The following WFIKKN2 variants were observed in gnomAD, a reference collection of about 807,000 sequenced individuals.
WFIKKN2 encodes WAP, follistatin/kazal, immunoglobulin, kunitz and netrin domain containing 2.
A neutral mutation model predicts 39.2 loss-of-function variants in WFIKKN2; 25 were observed. The ratio of observed to expected loss-of-function variants is 0.64; its 90% CI spans 0.47 to 0.89. The LOEUF (loss-of-function observed/expected upper bound fraction) is 0.89, where lower values mean the gene tolerates loss of function less well. Ranked by LOEUF, WFIKKN2 falls within the 40% of genes least tolerant of loss-of-function variation. The pLI is 0.00. For missense variants in WFIKKN2, 770 were observed against 811.7 expected (o/e 0.95, Z 0.62); for synonymous variants, 345 against 329.7 (o/e 1.05, Z -0.50).
chr17:50,840,828 G>C lies in WFIKKN2; in HGVS notation c.1540G>C (p.Ala514Pro). Residue 514 changes from alanine to proline, a missense_variant, in exon 2 of 2, where the codon GCA becomes CCA. Physicochemically the swap from Ala to Pro is conservative, Grantham distance 27 (BLOSUM62 -1). Coordinates refer to ENST00000311378, the MANE Select transcript of WFIKKN2 (RefSeq NM_175575.6). ...LEVTLLHVDW[A>P]CPCPNVTVSE... ...GGTCACTCTGCTTCACGTGGACTGG[G>C]CATGCCCCTGCCCCAACGTGACCGT... 1 of 1,613,802 alleles carries C rather than the reference G, an allele frequency of 6.2e-7. No individual in the cohort carries two copies. The highest frequency in any genetic ancestry group is 8.5e-7 in the Non-Finnish European group (1 of 1,179,812).
In WFIKKN2 at chr17:50,840,357, A is replaced by G. The variant is rs1347920562; in HGVS notation, c.1069A>G (p.Thr357Ala). Reference sequence around the variant, plus strand: ...CCAGGCCAACAACTGCCTGACCTTCACCTTCGGCCACTGCCACCGTAACCT... The same window carrying G: ...CCAGGCCAACAACTGCCTGACCTTCGCCTTCGGCCACTGCCACCGTAACCT... The part of the protein sequence containing the change: ...DAQANNCLTF[T>A]FGHCHRNLNH... Residue 357 changes from threonine to alanine, a missense_variant, in exon 2 of 2, where the codon ACC becomes GCC. Thr to Ala is a moderately conservative substitution (Grantham distance 58). Transcript: ENST00000311378. 1.2e-6 allele frequency: 2 copies of G among 1,613,752 alleles called. No homozygotes were observed. Among genetic ancestry groups the G allele is most frequent in the African/African-American group, 2.7e-5 (2 of 74,834 alleles).
At position 50,840,831 on chromosome 17, in the gene WFIKKN2, T is replaced by C; in HGVS notation, c.1543T>C (p.Cys515Arg). Residue 515 changes from cysteine to arginine, a missense_variant, in exon 2 of 2, where the codon TGC (cysteine) becomes CGC (arginine). Physicochemically the swap from Cys to Arg is radical, Grantham distance 180. Transcript: ENST00000311378. ...CACTCTGCTTCACGTGGACTGGGCA[T>C]GCCCCTGCCCCAACGTGACCGTGAG... ...EVTLLHVDWA[C>R]PCPNVTVSEM... is the part of the protein sequence containing the mutation. 1 of 1,613,480 alleles carries C rather than the reference T, an allele frequency of 6.2e-7. No homozygotes were observed. Among genetic ancestry groups the C allele is most frequent in the Non-Finnish European group, 8.5e-7 (1 of 1,179,558 alleles).
Position 50,835,966 on chromosome 17 carries a change from G to T in WFIKKN2, c.29G>T (p.Trp10Leu), listed in dbSNP as rs141104835. The change falls in exon 1 of 2, where the codon TGG becomes TTG. Residue 10 changes from tryptophan (W) to leucine (L), a missense_variant. Transcript: ENST00000311378. MWAPRCRRFWSRWEQVAALL... is the reference protein window; with the variant it reads MWAPRCRRFLSRWEQVAALL... ...TGGGCCCCAAGGTGTCGCCGGTTCT[G>T]GTCTCGCTGGGAGCAGGTGGCAGCG... 1 of 1,610,370 alleles carries T rather than the reference G, an allele frequency of 6.2e-7. No individual in the cohort carries two copies. Among genetic ancestry groups the T allele is most frequent in the Admixed American group, 1.7e-5 (1 of 59,558 alleles).
rs757200668 is a variant in WFIKKN2 at position 50,839,819 on chromosome 17, T to C, written c.531T>C (p.Tyr177=). Reference sequence around the variant, plus strand: ...CACTGGCCGTTGTAACCTGCCGCTATCACTTCACCTGGCCCAACACCAGCC... The same window carrying C: ...CACTGGCCGTTGTAACCTGCCGCTACCACTTCACCTGGCCCAACACCAGCC... ...GITLAVVTCR[Y]HFTWPNTSPP... The change falls in exon 2 of 2, where the codon TAT becomes TAC. Residue 177 remains tyrosine, a synonymous_variant. Coordinates refer to ENST00000311378, the MANE Select transcript of WFIKKN2 (RefSeq NM_175575.6). 2 of 1,614,052 alleles carry C rather than the reference T, an allele frequency of 1.2e-6. No homozygotes were observed. Among genetic ancestry groups the C allele is most frequent in the African/African-American group, 2.7e-5 (2 of 74,942 alleles).
rs777380733 is a variant in WFIKKN2 at position 50,835,768 on chromosome 17, T to C, written c.-170T>C. 16 of 678,758 alleles carry C rather than the reference T, an allele frequency of 2.4e-5. No individual in the cohort carries two copies. Among genetic ancestry groups the C allele is most frequent in the Non-Finnish European group, 3.7e-5 (15 of 408,930 alleles). The allele number at this position is 678,758 out of a possible 1,614,324, so 42.0% of individuals were successfully genotyped here. A position where few individuals can be genotyped will look rare whatever the true frequency, so the allele number is the denominator to read the frequency against. ...TGAAGCCGCACAGCCCGGCAGGCTG[T>C]GCTGACTTGGTGGAGGCAGCAGCGG... On this transcript the variant is annotated 5_prime_UTR_variant, in exon 1 of 2. Transcript: ENST00000311378.
At position 50,839,938 on chromosome 17, in the gene WFIKKN2, T is replaced by G. The variant is rs1015172818; in HGVS notation, c.650T>G (p.Val217Gly). Residue 217 changes from valine to glycine, a missense_variant, in exon 2 of 2, where the codon GTG becomes GGG. Coordinates refer to ENST00000311378, the MANE Select transcript of WFIKKN2 (RefSeq NM_175575.6). The part of the protein sequence containing the change: ...MAAPALLNNP[V>G]HQSVTMGETV... ...GCCCCTGCGCTGCTCAACAACCCTG[T>G]GCACCAGTCGGTCACCATGGGTGAG... The G allele has an allele frequency of 1.9e-6, 3 of 1,614,038 alleles. No homozygotes were observed. The African/African-American group carries it at 4.0e-5, about 22-fold the overall frequency.
chr17:50,839,725 G>T lies in WFIKKN2; in HGVS notation c.437G>T (p.Cys146Phe). The T allele has an allele frequency of 6.2e-7, 1 of 1,614,208 alleles. No homozygotes were observed. Among genetic ancestry groups the T allele is most frequent in the Non-Finnish European group, 8.5e-7 (1 of 1,180,032 alleles). Residue 146 changes from cysteine to phenylalanine, a missense_variant, in exon 2 of 2, where the codon TGC becomes TTC. By Grantham distance (205) the Cys-to-Phe change is radical. Transcript: ENST00000311378. The stretch of plus-strand genomic sequence containing the variant: ...TGTGAGAAGGAGCCCAGCTTTACCT[G>T]CGCCTCGGACGGCCTCACCTACTAT... ...DRCEKEPSFT[C>F]ASDGLTYYNR...
chr17:50,840,000 C>CG lies in WFIKKN2; in HGVS notation c.714dup (p.Pro239AlafsTer2). 1 of 1,614,208 alleles carries CG rather than the reference C, an allele frequency of 6.2e-7. No homozygotes were observed. On this transcript the variant is annotated frameshift_variant, in exon 2 of 2. Transcript: ENST00000311378. LOFTEE classifies it high-confidence loss of function. ...CCTCTGTGATGTGGTGGGCCGGCCC[C>CG]GGCCTGAGATCACCTGGGAGAAGCA...
chr17:50,838,660 A>G (rs1016179452), intron 1 of WFIKKN2, among the ~76,000 whole-genome samples: 4 of 152,230 alleles, frequency 2.6e-5, no homozygotes, highest in African/African-American at 9.6e-5. Flanking sequence ...CCTTTGCCAC[A>G]CAAGGGGACT....
At position 50,840,605 on chromosome 17, in the gene WFIKKN2, C is replaced by T. The variant is rs760556654; in HGVS notation, c.1317C>T (p.Pro439=). The change falls in exon 2 of 2, where the codon CCC becomes CCT. Residue 439 remains proline (P), a synonymous_variant. Coordinates refer to ENST00000311378, the MANE Select transcript of WFIKKN2 (RefSeq NM_175575.6). Reference sequence around the variant, plus strand: ...CCTGTGAGGAGTCGTGCCCCTTCCCCAGGGGGAACCAGCGCTGTCGGGCCT... The same window carrying T: ...CCTGTGAGGAGTCGTGCCCCTTCCCTAGGGGGAACCAGCGCTGTCGGGCCT... ...REACEESCPF[P]RGNQRCRACK... 6.2e-7 allele frequency: 1 copy of T among 1,614,050 alleles called. No individual in the cohort carries two copies. The highest frequency in any genetic ancestry group is 1.6e-4 in the Middle Eastern group (1 of 6,062).
upstream of WFIKKN2, chr17:50,834,930 C>T (rs924460577): frequency 6.6e-6 from 1 of 152,016 alleles, no homozygotes; most frequent in South Asian, 2.1e-4. Flanking sequence ...TGGACTCCGG[C>T]ACAATCCTGA....
chr17:50,838,270 G>A (rs1971984654), intron 1 of WFIKKN2, among the ~76,000 whole-genome samples: 1 of 152,120 alleles, frequency 6.6e-6, no homozygotes, highest in African/African-American at 2.4e-5. Flanking sequence ...GCAAAACAAA[G>A]TCCCCATTCT....
At position 50,835,846 on chromosome 17, in the gene WFIKKN2, C is replaced by A; in HGVS notation, c.-92C>A. On this transcript the variant is annotated 5_prime_UTR_variant, in exon 1 of 2. Coordinates refer to ENST00000311378, the MANE Select transcript of WFIKKN2 (RefSeq NM_175575.6). ...AGGAAACCTGCTGGGGTGGGGAGGGCAGGTGTCTGCAGCCCCTGAGAAGAA... is the reference window on the plus strand; with the variant it reads ...AGGAAACCTGCTGGGGTGGGGAGGGAAGGTGTCTGCAGCCCCTGAGAAGAA... 7.3e-7 allele frequency: 1 copy of A among 1,377,608 alleles called. No individual in the cohort carries two copies. Among genetic ancestry groups the A allele is most frequent in the East Asian group, 2.4e-5 (1 of 41,412 alleles). The allele number at this position is 1,377,608 out of a possible 1,614,324, so 85.3% of individuals were successfully genotyped here. A position where few individuals can be genotyped will look rare whatever the true frequency, so the allele number is the denominator to read the frequency against.
Position 50,840,525 on chromosome 17 carries a change from T to A in WFIKKN2, c.1237T>A (p.Ser413Thr). The A allele has an allele frequency of 6.2e-7, 1 of 1,614,016 alleles. No homozygotes were observed. Among genetic ancestry groups the A allele is most frequent in the Non-Finnish European group, 8.5e-7 (1 of 1,179,972 alleles). The change falls in exon 2 of 2, where the codon TCC becomes ACC. Residue 413 changes from serine to threonine, a missense_variant. Transcript: ENST00000311378. Reference sequence around the variant, plus strand: ...CAACAGCCAGACGGGCCAGTGCCAGTCCTTTGTCTATGGTGGCTGCGAGGG... The same window carrying A: ...CAACAGCCAGACGGGCCAGTGCCAGACCTTTGTCTATGGTGGCTGCGAGGG... ...AYNSQTGQCQ[S>T]FVYGGCEGNG...
chr17:50,837,493 A>G (rs1480268309), intron 1 of WFIKKN2, among the ~76,000 whole-genome samples: 1 of 152,000 alleles, frequency 6.6e-6, no homozygotes, highest in East Asian at 1.9e-4. Context: ...CTCTGGGGCA[A>G]CAGGCTGTGG....
chr17:50,837,148 CAG>C (rs1479238430), intron 1 of WFIKKN2, among the ~76,000 whole-genome samples: 1 of 152,204 alleles, frequency 6.6e-6, no homozygotes, highest in Non-Finnish European at 1.5e-5. Context: ...AGAGTGGACA[CAG>C]AGCCAGGCAC....
At position 50,839,530 on chromosome 17, in the gene WFIKKN2, A is replaced by G; in HGVS notation, c.242A>G (p.Asn81Ser). ...GAGACCTATGAGAAGTGCTGCCCCA[A>G]CGTATGTGGGACCAAGAGCTGCGTG... The part of the protein sequence containing the change: ...ECETYEKCCP[N>S]VCGTKSCVAA... Residue 81 changes from asparagine (N) to serine (S), a missense_variant, in exon 2 of 2, where the codon AAC (asparagine) becomes AGC (serine). Asn to Ser is a conservative substitution (Grantham distance 46, BLOSUM62 1). Coordinates refer to ENST00000311378, the MANE Select transcript of WFIKKN2 (RefSeq NM_175575.6). The G allele has an allele frequency of 6.2e-7, 1 of 1,614,012 alleles. No individual in the cohort carries two copies. Among genetic ancestry groups the G allele is most frequent in the Non-Finnish European group, 8.5e-7 (1 of 1,179,932 alleles).
At chr17:50,837,684 T>A (rs2143291738) in intron 1 of WFIKKN2, among the ~76,000 whole-genome samples, 1 of 152,288 alleles carries the variant, frequency 6.6e-6, no homozygotes, top group South Asian at 2.1e-4. Context: ...CTGGAGAGGG[T>A]GGCCTCAACC....
rs1972049042 is a variant in WFIKKN2, at chr17:50,841,774, CT to C, written c.*757del. On this transcript the variant is annotated 3_prime_UTR_variant, in exon 2 of 2. Coordinates refer to ENST00000311378, the MANE Select transcript of WFIKKN2 (RefSeq NM_175575.6). ...GAGAGATGTTAGTCACTGCCCAGTT[CT>C]TAGAGCCCCAACACAGATACCCTCA... 1 of 152,200 alleles carries C rather than the reference CT, an allele frequency of 6.6e-6. No individual in the cohort carries two copies. Among genetic ancestry groups the C allele is most frequent in the Non-Finnish European group, 1.5e-5 (1 of 68,116 alleles). 9.4% of individuals were successfully genotyped at this position (152,200 alleles called of 1,614,324 possible). A position where few individuals can be genotyped will look rare whatever the true frequency, so the allele number is the denominator to read the frequency against.
Sources: allele counts gnomAD v4.1 joint callset (sites outside exome capture counted in the v4.1 genomes callset), GRCh38; gene constraint gnomAD v4.1.1; transcripts MANE v1.5; gene names NCBI Gene and HGNC (gene_info 2026-07-23, HGNC 2026-07-21).